The following ATP13A3 variants were observed in gnomAD, a reference collection of about 807,000 sequenced individuals.
ATP13A3 encodes the protein polyamine-transporting ATPase 13A3.
In ATP13A3, 59 loss-of-function variants were observed where a neutral mutation model predicts 158.1. That is an observed-to-expected ratio of 0.37 (90% CI 0.30 to 0.46). The LOEUF (loss-of-function observed/expected upper bound fraction) is 0.46, where lower values mean the gene tolerates loss of function less well. Ranked by LOEUF, ATP13A3 falls within the 20% of genes least tolerant of loss-of-function variation. The probability of loss-of-function intolerance (pLI) is 1.00; values close to 1 mark genes in which losing one functional copy is unlikely to be tolerated. For synonymous variants in ATP13A3, 491 were observed against 504.3 expected (o/e 0.97, Z 0.35); for missense variants, 1,166 against 1,525.2 (o/e 0.76, Z 3.92).
chr3:194,434,565 T>C (rs1045583304), intron 20 of ATP13A3, among the ~76,000 whole-genome samples: 2 of 152,162 alleles, frequency 1.3e-5, no homozygotes, highest in African/African-American at 2.4e-5. Context: ...CACACAAAAA[T>C]AGTACGTGCT....
At position 194,448,083 on chromosome 3, in the gene ATP13A3, T is replaced by A; in HGVS notation, c.1151-74A>T. Reference sequence around the variant, plus strand: ...ATTATCTCCCAAAACAGAATCTCTCTTTTTTTTTTTTTGAGACAGAGTCTC... The same window carrying A: ...ATTATCTCCCAAAACAGAATCTCTCATTTTTTTTTTTTGAGACAGAGTCTC... On this transcript the variant is annotated intron_variant, in intron 12 of 33. Coordinates refer to ENST00000645319, the MANE Select transcript of ATP13A3 (RefSeq NM_001367549.1). This position sits in a 1 kb window ranked among gnomAD's most constrained non-coding sequence, Gnocchi z 4.0. 1 of 385,442 alleles carries A rather than the reference T, an allele frequency of 2.6e-6. No homozygotes were observed. The highest frequency in any genetic ancestry group is 3.9e-6 in the Non-Finnish European group (1 of 255,598). The allele number at this position is 385,442 out of a possible 1,614,324, so 23.9% of individuals were successfully genotyped here.
intron 6 of ATP13A3, 28 bp downstream of exon 6, chr3:194,459,443 A>C (rs768826422): frequency 3.1e-5 from 44 of 1,438,450 alleles, no homozygotes; most frequent in Non-Finnish European, 3.9e-5. Context: ...TATTCAAAAT[A>C]CAATCCAAAC....
intron 11 of ATP13A3, among the ~76,000 whole-genome samples, chr3:194,449,852 T>C (rs1435798191): frequency 1.3e-5 from 2 of 152,126 alleles, no homozygotes; most frequent in East Asian, 3.8e-4. Flanking sequence ...GTATGCCACA[T>C]TTTCTGTGGG....
At chr3:194,419,257 T>C (rs993848762) in intron 31 of ATP13A3, among the ~76,000 whole-genome samples, 2 of 152,096 alleles carry the variant, frequency 1.3e-5, no homozygotes, top group Non-Finnish European at 2.9e-5. Flanking sequence ...ACATATATGG[T>C]AAGTATATAA....
chr3:194,442,562 G>C (rs1462905227), intron 15 of ATP13A3, among the ~76,000 whole-genome samples: 1 of 152,188 alleles, frequency 6.6e-6, no homozygotes, highest in Admixed American at 6.5e-5. Flanking sequence ...GTAGATGCGA[G>C]AGTAGGGGTG....
rs944973259 is a variant in ATP13A3, at chr3:194,448,269, G to A, written c.1150+188C>T. ...ATTTTTTTGTAATTTTGGTAGAGAC[G>A]GGGTTTCACCATGTTAGCCAGGATG... On this transcript the variant is annotated intron_variant, in intron 12 of 33. Transcript: ENST00000645319. This position sits in a 1 kb window ranked among gnomAD's most constrained non-coding sequence, Gnocchi z 4.0. 2.0e-5 allele frequency among the ~76,000 whole-genome samples: 3 copies of A among 152,034 alleles called. No homozygotes were observed. Among genetic ancestry groups the A allele is most frequent in the Non-Finnish European group, 2.9e-5 (2 of 68,006 alleles).
At chr3:194,423,432 C>T (rs1291108244) in intron 30 of ATP13A3, among the ~76,000 whole-genome samples, 7 of 152,184 alleles carry the variant, frequency 4.6e-5, no homozygotes, top group African/African-American at 1.7e-4. Flanking sequence ...GACAAACAGA[C>T]AAGAGGTGAA....
intron 27 of ATP13A3, 119 bp downstream of exon 27, chr3:194,429,559 T>C (rs1717066144): frequency 3.5e-6 from 2 of 579,064 alleles, no homozygotes; most frequent in Non-Finnish European, 2.8e-6. Context: ...GGTAAATTTA[T>C]AGGTACTACT....
chr3:194,485,606 C>T (rs1368601597), intron 2 of ATP13A3, among the ~76,000 whole-genome samples, 188 bp downstream of exon 2: 1 of 152,196 alleles, frequency 6.6e-6, no homozygotes, highest in African/African-American at 2.4e-5. Flanking sequence ...CTTCCTGCCT[C>T]ATAGATCTAA....
chr3:194,465,828 A>AC lies in ATP13A3; in HGVS notation c.-46-3593_-46-3592insG, dbSNP rs1491436275. Among the ~76,000 whole-genome samples, 143 of 144,716 alleles carry AC rather than the reference A, an allele frequency of 9.9e-4. No individual in the cohort carries two copies. In the East Asian group the frequency reaches 0.015, roughly 15 times the overall value. 94.9% of individuals were successfully genotyped at this position (144,716 alleles called of 152,430 possible). On this transcript the variant is annotated intron_variant, in intron 2 of 33. Transcript: ENST00000645319. Reference sequence around the variant, plus strand: ...AAAACACACACACACACACACACACAAAAATTAGCCAGGGGTGGTGGTGCA... The same window carrying AC: ...AAAACACACACACACACACACACACACAAAATTAGCCAGGGGTGGTGGTGCA...
intron 15 of ATP13A3, among the ~76,000 whole-genome samples, chr3:194,444,377 A>C (rs936790032): frequency 2.6e-5 from 4 of 152,246 alleles, no homozygotes; most frequent in African/African-American, 9.6e-5. Flanking sequence ...AACATGGATA[A>C]ATCTTGAAAA....
In ATP13A3 at chr3:194,411,494, AT is replaced by A. The variant is rs917488108; in HGVS notation, c.3573+704del. Among the ~76,000 whole-genome samples the A allele has an allele frequency of 3.5e-4, 53 of 152,360 alleles. No individual in the cohort carries two copies. The East Asian group carries it at 5.0e-3, about 14-fold the overall frequency. On this transcript the variant is annotated intron_variant, in intron 33 of 33. Coordinates refer to ENST00000645319, the MANE Select transcript of ATP13A3 (RefSeq NM_001367549.1). ...AAAAATAAGTCCAATCTGTATCTGT[AT>A]CAAGAGCTATACTTTAACATCCTAA...
chr3:194,427,272 A>C lies in ATP13A3; in HGVS notation c.2948-20T>G. On this transcript the variant is annotated intron_variant, in intron 28 of 33. Coordinates refer to ENST00000645319, the MANE Select transcript of ATP13A3 (RefSeq NM_001367549.1). ...AACTCACTATATTGAAAAGAAAAAG[A>C]GGAAAGGTTTGTATTTACATTAATC... 1 of 1,574,392 alleles carries C rather than the reference A, an allele frequency of 6.4e-7. No individual in the cohort carries two copies. Among genetic ancestry groups the C allele is most frequent in the South Asian group, 1.2e-5 (1 of 84,598 alleles).
At position 194,437,195 on chromosome 3, in the gene ATP13A3, C is replaced by T. The variant is rs1342345526; in HGVS notation, c.2020G>A (p.Val674Ile). 2 of 1,614,006 alleles carry T rather than the reference C, an allele frequency of 1.2e-6. No homozygotes were observed. The highest frequency in any genetic ancestry group is 1.7e-5 in the Admixed American group (1 of 59,992). ...CCCTGTTTAGTGAAGTCTTCCAAAA[C>T]GTTTTGAAAATCGACAGGAACTTTT... is the stretch of plus-strand genomic sequence containing the variant. ...PETVPVDFQNVLEDFTKQGFR... is the reference protein window; with the variant it reads ...PETVPVDFQNILEDFTKQGFR... Residue 674 changes from valine (V) to isoleucine (I), a missense_variant, in exon 20 of 34, where the codon GTT (valine) becomes ATT (isoleucine). Val to Ile is a conservative substitution (Grantham distance 29, BLOSUM62 3). Coordinates refer to ENST00000645319, the MANE Select transcript of ATP13A3 (RefSeq NM_001367549.1).
rs753479284 is a variant in ATP13A3, at chr3:194,413,775, A to G, written c.3467T>C (p.Val1156Ala). The G allele has an allele frequency of 5.3e-5, 85 of 1,613,540 alleles. No homozygotes were observed. Among genetic ancestry groups the G allele is most frequent in the Non-Finnish European group, 7.2e-5 (85 of 1,179,556 alleles). The change falls in exon 32 of 34, where the codon GTG (valine) becomes GCG (alanine). Residue 1156 changes from valine (V) to alanine (A), a missense_variant. Physicochemically the swap from Val to Ala is moderately conservative, Grantham distance 64. Coordinates refer to ENST00000645319, the MANE Select transcript of ATP13A3 (RefSeq NM_001367549.1). ...AGTGCTTACCTCCACTGTGATAGAC[A>G]CAAAGGCATTGACAAGAACAATGAT... ...MLIIVLVNAF[V>A]SITVENFFLD... is the part of the protein sequence containing the mutation.
At chr3:194,465,911 G>A (rs1044378768) in intron 2 of ATP13A3, among the ~76,000 whole-genome samples, 1 of 151,894 alleles carries the variant, frequency 6.6e-6, no homozygotes, top group Admixed American at 6.6e-5. Context: ...GAATCCCAGA[G>A]GCGGAAGCTA....
chr3:194,488,792 C>T (rs963536657), upstream of ATP13A3: 1 of 152,208 alleles, frequency 6.6e-6, no homozygotes, highest in Non-Finnish European at 1.5e-5. The surrounding 1 kb of genome is among the most constrained non-coding windows in gnomAD (Gnocchi z 4.1). Flanking sequence ...TTCAGGATTC[C>T]ACTCTAAGCC....
Position 194,405,326 on chromosome 3 carries a change from G to A in ATP13A3, c.*593C>T, listed in dbSNP as rs1002890202. Reference sequence around the variant, plus strand: ...AAAACCAGAAATGGAGATTACCTGAGTTGTTCTATAAGCAACACCATAAAC... The same window carrying A: ...AAAACCAGAAATGGAGATTACCTGAATTGTTCTATAAGCAACACCATAAAC... On this transcript the variant is annotated 3_prime_UTR_variant, in exon 34 of 34. Coordinates refer to ENST00000645319, the MANE Select transcript of ATP13A3 (RefSeq NM_001367549.1). 2 of 152,292 alleles carry A rather than the reference G, an allele frequency of 1.3e-5. No homozygotes were observed. The highest frequency in any genetic ancestry group is 2.9e-5 in the Non-Finnish European group (2 of 68,126). 9.4% of individuals were successfully genotyped at this position (152,292 alleles called of 1,614,324 possible). A position where few individuals can be genotyped will look rare whatever the true frequency, so the allele number is the denominator to read the frequency against.
chr3:194,427,226 G>C lies in ATP13A3; in HGVS notation c.2974C>G (p.Leu992Val). 6.2e-7 allele frequency: 1 copy of C among 1,605,888 alleles called. No homozygotes were observed. The part of the protein sequence containing the change: ...TMSLNPAWKE[L>V]VAQRPPSGLI... ...CCCGAAGGTGGTCTTTGTGCCACAA[G>C]TTCTTTCCAGGCAGGATTTAAACTC... Residue 992 changes from leucine (L) to valine (V), a missense_variant, in exon 29 of 34, where the codon CTT becomes GTT. Leu to Val is a conservative substitution (Grantham distance 32). Coordinates refer to ENST00000645319, the MANE Select transcript of ATP13A3 (RefSeq NM_001367549.1).
Sources: allele counts gnomAD v4.1 joint callset (sites outside exome capture counted in the v4.1 genomes callset), GRCh38; gene constraint gnomAD v4.1.1; non-coding constraint Gnocchi (gnomAD v3.1); transcripts MANE v1.5; gene names NCBI Gene and HGNC (gene_info 2026-07-23, HGNC 2026-07-21).